The following UPRT variants were observed in gnomAD, a reference collection of about 807,000 sequenced individuals.
The protein encoded by UPRT is RP11-311P8.3.
UPRT carries 5 observed loss-of-function variants against 22.6 expected under a neutral mutation model. The ratio of observed to expected loss-of-function variants is 0.22; its 90% CI spans 0.12 to 0.47. The LOEUF is 0.47. UPRT is among the 20% of genes least tolerant of loss of function. The probability of loss-of-function intolerance (pLI) is 0.99; values close to 1 mark genes in which losing one functional copy is unlikely to be tolerated. For missense variants in UPRT, 181 were observed against 239.9 expected (o/e 0.75, Z 1.62); for synonymous variants, 77 against 87.7 (o/e 0.88, Z 0.68).
intron 1 of UPRT, among the ~76,000 whole-genome samples, chrX:75,283,127 T>C (rs1427822329): frequency 8.9e-6 from 1 of 112,221 alleles, no homozygotes; most frequent in Non-Finnish European, 1.9e-5. Context: ...TTGCATGAAG[T>C]GTCTCTTTCC....
At chrX:75,207,080 T>A (rs1287072946) in intron 4 of UPRT, among the ~76,000 whole-genome samples, 1 of 112,158 alleles carries the variant, frequency 8.9e-6, no homozygotes, top group Non-Finnish European at 1.9e-5. Context: ...CAGCCTGTAG[T>A]TGTAGTTTAG....
chrX:75,226,813 C>A (rs1002742645), intron 4 of UPRT, among the ~76,000 whole-genome samples: 1 of 110,290 alleles, frequency 9.1e-6, no homozygotes, highest in Non-Finnish European at 1.9e-5. Context: ...TTGACTGTAA[C>A]GTCCATGAGG....
At chrX:75,223,928 C>T (rs966891309) in intron 4 of UPRT, among the ~76,000 whole-genome samples, 4 of 111,501 alleles carry the variant, frequency 3.6e-5, no homozygotes, top group African/African-American at 1.3e-4. Context: ...TGCTTTACCT[C>T]CTATTTTTCT....
intron 1 of UPRT, among the ~76,000 whole-genome samples, chrX:75,280,533 T>C (rs984605949): frequency 8.9e-6 from 1 of 111,939 alleles, no homozygotes; most frequent in Non-Finnish European, 1.9e-5. Flanking sequence ...AGGGTGTCCT[T>C]TCCCCACTTC....
At chrX:75,245,742 G>A (rs1232287727) in intron 4 of UPRT, among the ~76,000 whole-genome samples, 2 of 111,580 alleles carry the variant, frequency 1.8e-5, no homozygotes, top group African/African-American at 6.5e-5. Flanking sequence ...GCTAAACACT[G>A]AGTACATATA....
chrX:75,209,471 T>G (rs2082374882), intron 4 of UPRT, among the ~76,000 whole-genome samples: 1 of 112,068 alleles, frequency 8.9e-6, no homozygotes, highest in South Asian at 3.8e-4. Context: ...CCTCCTGGGT[T>G]CAAGTGATTC....
chrX:75,248,549 T>C (rs2082515674), intron 4 of UPRT, among the ~76,000 whole-genome samples: 1 of 111,681 alleles, frequency 9.0e-6, no homozygotes, highest in Non-Finnish European at 1.9e-5. Flanking sequence ...CCAAGAAATA[T>C]GGGACTATGT....
intron 1 of UPRT, among the ~76,000 whole-genome samples, chrX:75,157,901 A>T (rs2082187487): frequency 8.9e-6 from 1 of 112,343 alleles, no homozygotes; most frequent in Admixed American, 9.4e-5. Flanking sequence ...ATCAACAAAT[A>T]TTTATTCAGC....
intron 1 of UPRT, among the ~76,000 whole-genome samples, chrX:75,282,393 G>A (rs761346806): frequency 9.0e-6 from 1 of 110,615 alleles, no homozygotes; most frequent in African/African-American, 3.3e-5. Context: ...TGATGTAGGT[G>A]TTTAGGGCTG....
At chrX:75,180,168 G>A (rs2082264427) in intron 4 of UPRT, among the ~76,000 whole-genome samples, 1 of 112,394 alleles carries the variant, frequency 8.9e-6, no homozygotes, top group African/African-American at 3.2e-5. Context: ...CATTCAGTTG[G>A]AATTCTTACA....
At position 75,274,397 on chromosome X, in the gene UPRT, A is replaced by G; in HGVS notation, c.143A>G (p.Lys48Arg). 1 of 1,211,517 alleles carries G rather than the reference A, an allele frequency of 8.3e-7. No homozygotes were observed. The highest frequency in any genetic ancestry group is 1.8e-5 in the South Asian group (1 of 56,892). Residue 48 changes from lysine to arginine, a missense_variant, in exon 1 of 7, where the codon AAG becomes AGG. Transcript: ENST00000373383. ...GGGGGAAACAGAGCCTCCAGGGCCA[A>G]GGTGATTCTCCTCACGGGGTACGCC... ...HAGGNRASRA[K>R]VILLTGYAHS... is the part of the protein sequence containing the mutation.
At chrX:75,240,398 G>A (rs1377351501) in intron 4 of UPRT, among the ~76,000 whole-genome samples, 1 of 111,313 alleles carries the variant, frequency 9.0e-6, no homozygotes, top group East Asian at 2.8e-4. Context: ...AACCAAAGAG[G>A]TAAAATATCT....
chrX:75,260,425 A>G (rs1378529356), intron 4 of UPRT, among the ~76,000 whole-genome samples: 1 of 112,403 alleles, frequency 8.9e-6, no homozygotes, highest in African/African-American at 3.2e-5. Context: ...AACAAATGGA[A>G]AGCAAAAAAA....
intron 4 of UPRT, among the ~76,000 whole-genome samples, chrX:75,234,897 A>G (rs1307000730): frequency 9.0e-6 from 1 of 111,634 alleles, no homozygotes; most frequent in Non-Finnish European, 1.9e-5. Context: ...AAGAGCAAAC[A>G]CATTCAAAAG....
chrX:75,194,562 TA>T (rs1358462352), intron 4 of UPRT, among the ~76,000 whole-genome samples: 8 of 111,105 alleles, frequency 7.2e-5, no homozygotes, highest in African/African-American at 2.0e-4. Flanking sequence ...AAGTATTTTG[TA>T]GGGGGGCAGG....
chrX:75,200,169 T>C (rs1475237662), intron 4 of UPRT, among the ~76,000 whole-genome samples: 2 of 112,479 alleles, frequency 1.8e-5, no homozygotes, highest in Admixed American at 9.4e-5. Context: ...ATGATCTAGT[T>C]CCTTTCTTCC....
chrX:75,178,882 C>G (rs758050208), intron 4 of UPRT, among the ~76,000 whole-genome samples: 10 of 111,664 alleles, frequency 9.0e-5, no homozygotes, highest in Admixed American at 9.4e-5. Context: ...TGCTGGCTAG[C>G]GCAGCCTGCT....
chrX:75,226,891 C>T (rs1407420310), intron 4 of UPRT, among the ~76,000 whole-genome samples: 1 of 110,926 alleles, frequency 9.0e-6, no homozygotes, highest in East Asian at 2.8e-4. Flanking sequence ...AAAGTTGGTT[C>T]TCAATAAATA....
chrX:75,207,729 C>G (rs1423092519), intron 4 of UPRT, among the ~76,000 whole-genome samples: 1 of 111,363 alleles, frequency 9.0e-6, no homozygotes, highest in Non-Finnish European at 1.9e-5. Context: ...GCCTCTGAGG[C>G]CAGCAATGTG....
Sources: allele counts gnomAD v4.1 joint callset (sites outside exome capture counted in the v4.1 genomes callset), GRCh38; gene constraint gnomAD v4.1.1; transcripts MANE v1.5; gene names NCBI Gene and HGNC (gene_info 2026-07-23, HGNC 2026-07-21).